Variants in AIFM2 observed in about 807,000 individuals in gnomAD.
The protein encoded by AIFM2 is AIF family member 2, ferroptosis suppressor, also known as ferroptosis suppressor protein 1.
Under a neutral mutation model 35.7 loss-of-function variants are expected in AIFM2, and 38 were observed. The observed-to-expected ratio is 1.06, with a 90% CI of 0.82 to 1.39. The LOEUF (loss-of-function observed/expected upper bound fraction) is 1.39. Ranked by LOEUF, AIFM2 falls within the 40% of genes most tolerant of loss-of-function variation. The pLI is 0.00. For synonymous variants in AIFM2, 185 were observed against 203.5 expected (o/e 0.91, Z 0.77); for missense variants, 476 against 491.2 (o/e 0.97, Z 0.29).
chr10:70,115,516 C>T (rs1462316788), intron 7 of AIFM2, among the ~76,000 whole-genome samples: 1 of 152,218 alleles, frequency 6.6e-6, no homozygotes, highest in Non-Finnish European at 1.5e-5. Context: ...CCTGTAATCC[C>T]AACTCTTTGG....
Position 70,124,049 on chromosome 10 carries a change from CA to C in AIFM2, c.35del (p.Leu12ArgfsTer4). On this transcript the variant is annotated frameshift_variant, in exon 2 of 9. Coordinates refer to ENST00000307864, the MANE Select transcript of AIFM2 (RefSeq NM_032797.6). LOFTEE classifies it high-confidence loss of function. ...GSQVSVESGA[L>X]HVVIVGGGFG... ...AGCCCCCACCCACAATCACCACGTG[CA>C]GAGCTCCCGATTCCACCGAGACCTG... 1.3e-6 allele frequency: 2 copies of C among 1,596,554 alleles called. No individual in the cohort carries two copies. The highest frequency in any genetic ancestry group is 1.7e-6 in the Non-Finnish European group (2 of 1,170,754).
intron 2 of AIFM2, 78 bp downstream of exon 2, chr10:70,123,829 C>T (rs2072536273): frequency 2.1e-6 from 3 of 1,414,680 alleles, no homozygotes; most frequent in East Asian, 2.5e-5. Flanking sequence ...GAGAAAACCA[C>T]CCCCAGCCCT....
intron 7 of AIFM2, 41 bp downstream of exon 7, chr10:70,116,581 G>C (rs1197211488): frequency 6.2e-7 from 1 of 1,610,952 alleles, no homozygotes; most frequent in Non-Finnish European, 8.5e-7. Context: ...GTACTGGAGA[G>C]CAAGGAGGCA....
chr10:70,123,611 C>A, intron 2 of AIFM2, 91 bp from the exon 3 acceptor site: 1 of 1,193,242 alleles, frequency 8.4e-7, no homozygotes, highest in Non-Finnish European at 1.2e-6. Flanking sequence ...AGCTGCAAAC[C>A]AACAGGGGTG....
At chr10:70,114,452 A>G in intron 8 of AIFM2, 123 bp from the exon 9 acceptor site, 1 of 1,259,006 alleles carries the variant, frequency 7.9e-7, no homozygotes, top group South Asian at 1.3e-5. Flanking sequence ...TCGCTTTAGG[A>G]AGGTGGGTGA....
Position 70,116,732 on chromosome 10 carries a change from T to C in AIFM2, c.659A>G (p.Tyr220Cys). 6.2e-7 allele frequency: 1 copy of C among 1,614,196 alleles called. No homozygotes were observed. The highest frequency in any genetic ancestry group is 8.5e-7 in the Non-Finnish European group (1 of 1,180,022). Residue 220 changes from tyrosine (Y) to cysteine (C), a missense_variant, in exon 7 of 9, where the codon TAT (tyrosine) becomes TGT (cysteine). Coordinates refer to ENST00000307864, the MANE Select transcript of AIFM2 (RefSeq NM_032797.6). ...SNLEELPLNEYREYIKVQTDK... is the reference protein window; with the variant it reads ...SNLEELPLNECREYIKVQTDK... ...CGTCTGCACTTTGATGTACTCTCGA[T>C]ACTCATTGAGAGGCAGCTCCTCCAG...
chr10:70,121,333 G>A, intron 3 of AIFM2, 122 bp from the exon 4 acceptor site: 1 of 1,392,586 alleles, frequency 7.2e-7, no homozygotes, highest in Non-Finnish European at 9.3e-7. Context: ...ACCAGGCAAA[G>A]AGGCCCCTCT....
At position 70,115,186 on chromosome 10, in the gene AIFM2, G is replaced by A. The variant is rs545926922; in HGVS notation, c.770-66C>T. 6 of 1,545,126 alleles carry A rather than the reference G, an allele frequency of 3.9e-6. 1 individual carries two copies. The South Asian group carries it at 5.7e-5, about 15-fold the overall frequency. On this transcript the variant is annotated intron_variant, in intron 7 of 8. Coordinates refer to ENST00000307864, the MANE Select transcript of AIFM2 (RefSeq NM_032797.6). The stretch of plus-strand genomic sequence containing the variant: ...CTGTGTTAAGTGGCCACCAGGAGGA[G>A]GAGAGGGCGAGCTCTAGACACTGGT...
chr10:70,123,602 G>T, intron 2 of AIFM2, 82 bp from the exon 3 acceptor site: 2 of 1,280,462 alleles, frequency 1.6e-6, no homozygotes, highest in Non-Finnish European at 2.2e-6. Context: ...CCTTTCACGA[G>T]CTGCAAACCA....
intron 3 of AIFM2, among the ~76,000 whole-genome samples, chr10:70,122,666 G>A (rs73273532): frequency 0.036 from 5,452 of 152,296 alleles, 347 homozygotes; most frequent in African/African-American, 0.12. Flanking sequence ...AGACAGAGCC[G>A]AGGGCTGGCC....
chr10:70,122,315 C>A (rs923433796), intron 3 of AIFM2, among the ~76,000 whole-genome samples: 1 of 152,112 alleles, frequency 6.6e-6, no homozygotes, highest in Non-Finnish European at 1.5e-5. Flanking sequence ...GACTGCAGGA[C>A]CAGGGGACAC....
At position 70,117,863 on chromosome 10, in the gene AIFM2, G is replaced by A. The variant is rs147089234; in HGVS notation, c.565C>T (p.Arg189Trp). ...AGGAGGATCTCCTTCACTTCCTGCC[G>A]GACGGAGGGCAGGAGCTCCTTGTCA... ...LADKELLPSV[R>W]QEVKEILLRK... Residue 189 changes from arginine to tryptophan, a missense_variant, in exon 6 of 9, where the codon CGG (arginine) becomes TGG (tryptophan). Coordinates refer to ENST00000307864, the MANE Select transcript of AIFM2 (RefSeq NM_032797.6). The surrounding 1 kb of genome is among the most constrained non-coding windows in gnomAD (Gnocchi z 4.7). The A allele has an allele frequency of 6.4e-4, 1,026 of 1,605,108 alleles. 1 individual carries two copies. Among genetic ancestry groups the A allele is most frequent in the Non-Finnish European group, 8.5e-4 (1,001 of 1,176,772 alleles).
At position 70,114,970 on chromosome 10, in the gene AIFM2, G is replaced by A. The variant is rs149267164; in HGVS notation, c.920C>T (p.Ala307Val). ...CTGCTTCACAGAGTTGACGATGTTG[G>A]CCACGGCGATGTTGGCGTGGAGGCC... ...LAGLHANIAV[A>V]NIVNSVKQRP... Residue 307 changes from alanine (A) to valine (V), a missense_variant, in exon 8 of 9, where the codon GCC becomes GTC. By Grantham distance (64) the Ala-to-Val change is moderately conservative (BLOSUM62 0). Coordinates refer to ENST00000307864, the MANE Select transcript of AIFM2 (RefSeq NM_032797.6). 921 of 1,614,176 alleles carry A rather than the reference G, an allele frequency of 5.7e-4. 2 individuals are homozygous for A. The highest frequency in any genetic ancestry group is 9.1e-4 in the South Asian group (83 of 91,072).
chr10:70,118,680 G>T lies in AIFM2; in HGVS notation c.508-760C>A, dbSNP rs1015971189. Among the ~76,000 whole-genome samples, 5 of 152,322 alleles carry T rather than the reference G, an allele frequency of 3.3e-5. No homozygotes were observed. The East Asian group carries it at 5.8e-4, about 18-fold the overall frequency. The stretch of plus-strand genomic sequence containing the variant: ...TGACCCCTGTGAAATAAGAAGAAAA[G>T]TATATATTGGTCTCTGCCCCCAGTT... On this transcript the variant is annotated intron_variant, in intron 5 of 8. Coordinates refer to ENST00000307864, the MANE Select transcript of AIFM2 (RefSeq NM_032797.6).
Position 70,120,994 on chromosome 10 carries a change from C to T in AIFM2, c.414+98G>A, listed in dbSNP as rs187531586. Reference sequence around the variant, plus strand: ...AACTCTATGGCTACAGCCAGCAGCTCTGAGTAACCCCGTGGCCTCCCAGCT... The same window carrying T: ...AACTCTATGGCTACAGCCAGCAGCTTTGAGTAACCCCGTGGCCTCCCAGCT... On this transcript the variant is annotated intron_variant, in intron 4 of 8. Coordinates refer to ENST00000307864, the MANE Select transcript of AIFM2 (RefSeq NM_032797.6). 113 of 1,513,556 alleles carry T rather than the reference C, an allele frequency of 7.5e-5. No individual in the cohort carries two copies. In the East Asian group the frequency reaches 2.4e-3, roughly 32 times the overall value. 93.8% of individuals were successfully genotyped at this position (1,513,556 alleles called of 1,614,324 possible). A position where few individuals can be genotyped will look rare whatever the true frequency, so the allele number is the denominator to read the frequency against.
At chr10:70,123,745 C>G (rs2072535446) in intron 2 of AIFM2, among the ~76,000 whole-genome samples, 162 bp downstream of exon 2, 1 of 152,164 alleles carries the variant, frequency 6.6e-6, no homozygotes, top group Non-Finnish European at 1.5e-5. Flanking sequence ...ATTGTGGTGG[C>G]TACTTAAGAC....
chr10:70,126,562 C>T (rs1270709955), intron 1 of AIFM2, among the ~76,000 whole-genome samples: 5 of 152,298 alleles, frequency 3.3e-5, no homozygotes, highest in Middle Eastern at 3.4e-3. Flanking sequence ...CAATTTACCC[C>T]CTATAATGGG....
rs774471671 is a variant in AIFM2 at position 70,114,977 on chromosome 10, C to T, written c.913G>A (p.Ala305Thr). 12 of 1,614,080 alleles carry T rather than the reference C, an allele frequency of 7.4e-6. No homozygotes were observed. The East Asian group carries it at 1.1e-4, about 15-fold the overall frequency. ...ACAGAGTTGACGATGTTGGCCACGG[C>T]GATGTTGGCGTGGAGGCCGGCAAGA... is the stretch of plus-strand genomic sequence containing the variant. Reference protein sequence around the residue: ...AYLAGLHANIAVANIVNSVKQ... With the variant: ...AYLAGLHANITVANIVNSVKQ... The change falls in exon 8 of 9, where the codon GCC (alanine) becomes ACC (threonine). Residue 305 changes from alanine (A) to threonine (T), a missense_variant. Ala to Thr is a moderately conservative substitution (Grantham distance 58). Coordinates refer to ENST00000307864, the MANE Select transcript of AIFM2 (RefSeq NM_032797.6).
chr10:70,114,982 T>C lies in AIFM2; in HGVS notation c.908A>G (p.Asn303Ser). The C allele has an allele frequency of 1.9e-6, 3 of 1,614,220 alleles. No individual in the cohort carries two copies. The highest frequency in any genetic ancestry group is 1.7e-6 in the Non-Finnish European group (2 of 1,180,034). ...GTTGACGATGTTGGCCACGGCGATG[T>C]TGGCGTGGAGGCCGGCAAGATAGGC... ...KMAYLAGLHANIAVANIVNSV... is the reference protein window; with the variant it reads ...KMAYLAGLHASIAVANIVNSV... Residue 303 changes from asparagine (N) to serine (S), a missense_variant, in exon 8 of 9, where the codon AAC becomes AGC. Coordinates refer to ENST00000307864, the MANE Select transcript of AIFM2 (RefSeq NM_032797.6).
Sources: allele counts gnomAD v4.1 joint callset (sites outside exome capture counted in the v4.1 genomes callset), GRCh38; gene constraint gnomAD v4.1.1; non-coding constraint Gnocchi (gnomAD v3.1); transcripts MANE v1.5; gene names NCBI Gene and HGNC (gene_info 2026-07-23, HGNC 2026-07-21).